The following FTO variants were observed in gnomAD, a reference collection of about 807,000 sequenced individuals.
The protein encoded by FTO is FTO alpha-ketoglutarate dependent dioxygenase.
Under a neutral mutation model 63.9 loss-of-function variants are expected in FTO, and 47 were observed. The ratio of observed to expected loss-of-function variants is 0.74; its 90% CI spans 0.58 to 0.94. The LOEUF is 0.94. FTO is among the 40% of genes least tolerant of loss of function. FTO has a pLI of 0.00. For synonymous variants in FTO, 207 were observed against 224.4 expected, an observed-to-expected ratio of 0.92 and a Z score of 0.69; for missense variants, 562 against 618.1, an observed-to-expected ratio of 0.91 and a Z score of 0.96.
chr16:53,855,178 G>C (rs973613095), intron 4 of FTO, among the ~76,000 whole-genome samples: 4 of 151,968 alleles, frequency 2.6e-5, no homozygotes, highest in African/African-American at 7.2e-5. Context: ...TTCAAATCTA[G>C]GAGTCCTTGG....
intron 4 of FTO, among the ~76,000 whole-genome samples, chr16:53,852,112 A>AAAAAAT (rs1179607518): frequency 6.7e-5 from 10 of 149,222 alleles, no homozygotes; most frequent in African/African-American, 2.5e-4. Context: ...AAAAAAAAAA[A>AAAAAAT]AAAAAAAAGC....
At chr16:54,079,001 CAAT>C (rs1433416080) in intron 8 of FTO, among the ~76,000 whole-genome samples, 1 of 151,982 alleles carries the variant, frequency 6.6e-6, no homozygotes, top group Non-Finnish European at 1.5e-5. Context: ...AGCTGAATTT[CAAT>C]AATGTTTTTA....
intron 8 of FTO, among the ~76,000 whole-genome samples, chr16:54,000,402 A>AGATTCTG (rs1491286574): frequency 1.3e-5 from 2 of 152,210 alleles, no homozygotes; most frequent in Non-Finnish European, 2.9e-5. Flanking sequence ...AGCTCAAGTC[A>AGATTCTG]GATTCTGGAT....
chr16:53,888,705 A>G, intron 6 of FTO, 127 bp from the exon 7 acceptor site: 1 of 999,304 alleles, frequency 1.0e-6, no homozygotes, highest in Non-Finnish European at 1.6e-6. Context: ...GGTTAGGCTG[A>G]CCTTTCTCAC....
rs1165932344 is a variant in FTO, at chr16:53,934,114, G to C, written c.1364+5G>C. 1 of 1,613,948 alleles carries C rather than the reference G, an allele frequency of 6.2e-7. No individual in the cohort carries two copies. The highest frequency in any genetic ancestry group is 2.2e-5 in the East Asian group (1 of 44,894). On this transcript the variant is annotated splice_donor_5th_base_variant and intron_variant, in intron 8 of 8. Coordinates refer to ENST00000471389, the MANE Select transcript of FTO (RefSeq NM_001080432.3). ...GAGGAGAGAATGGCATGCCAGGTTAGTTCTGTTGTGAAATGGGATTTGTTG... is the reference window on the plus strand; with the variant it reads ...GAGGAGAGAATGGCATGCCAGGTTACTTCTGTTGTGAAATGGGATTTGTTG...
intron 8 of FTO, among the ~76,000 whole-genome samples, chr16:54,096,726 T>G (rs775197311): frequency 2.6e-5 from 4 of 152,210 alleles, no homozygotes; most frequent in Non-Finnish European, 5.9e-5. Context: ...CCCCAATTAA[T>G]ATGACTTGTT....
At chr16:54,060,027 G>T (rs934437244) in intron 8 of FTO, among the ~76,000 whole-genome samples, 1 of 151,840 alleles carries the variant, frequency 6.6e-6, no homozygotes, top group Admixed American at 6.6e-5. Context: ...TTATTCAAAG[G>T]CTCCAAAAAC....
At chr16:54,099,250 C>A (rs1320439759) in intron 8 of FTO, among the ~76,000 whole-genome samples, 1 of 152,184 alleles carries the variant, frequency 6.6e-6, no homozygotes, top group Non-Finnish European at 1.5e-5. Context: ...GCCTTCCCTC[C>A]CAATGGCTGA....
At chr16:53,827,950 G>A (rs1173646166) in intron 3 of FTO, among the ~76,000 whole-genome samples, 2 of 152,182 alleles carry the variant, frequency 1.3e-5, no homozygotes, top group African/African-American at 4.8e-5. Context: ...CTACAAAGAT[G>A]TCTTTGTGCT....
rs1451101207 is a variant in FTO at position 53,856,991 on chromosome 16, C to A, written c.895+12693C>A. Among the ~76,000 whole-genome samples, 9 of 151,990 alleles carry A rather than the reference C, an allele frequency of 5.9e-5. No homozygotes were observed. The East Asian group carries it at 1.4e-3, about 23-fold the overall frequency. On this transcript the variant is annotated intron_variant, in intron 4 of 8. Coordinates refer to ENST00000471389, the MANE Select transcript of FTO (RefSeq NM_001080432.3). ...GGGGTGATGTTAAAAAATTGAATGC[C>A]CTTAATGGCAAGGGAACCAACCAAT...
intron 8 of FTO, among the ~76,000 whole-genome samples, chr16:53,942,622 G>A (rs1050807097): frequency 1.2e-4 from 19 of 152,334 alleles, no homozygotes; most frequent in African/African-American, 4.1e-4. Context: ...CTGGTCACCT[G>A]CTAATGTCCT....
chr16:54,036,206 C>A (rs1353242664), intron 8 of FTO, among the ~76,000 whole-genome samples: 1 of 152,142 alleles, frequency 6.6e-6, no homozygotes, highest in Non-Finnish European at 1.5e-5. Context: ...TATTGGCCCT[C>A]AGTATTCTGA....
At chr16:53,872,258 C>A (rs2080521699) in intron 4 of FTO, among the ~76,000 whole-genome samples, 1 of 152,002 alleles carries the variant, frequency 6.6e-6, no homozygotes, top group African/African-American at 2.4e-5. Flanking sequence ...TTTTTTTGGC[C>A]CTTGGGAAAT....
At chr16:53,914,233 G>T (rs910064137) in intron 7 of FTO, among the ~76,000 whole-genome samples, 8 of 151,502 alleles carry the variant, frequency 5.3e-5, no homozygotes, top group Non-Finnish European at 1.0e-4. Flanking sequence ...TGTCTTAGAA[G>T]AAATACTTCT....
intron 8 of FTO, among the ~76,000 whole-genome samples, chr16:54,099,563 T>C (rs1334788236): frequency 6.6e-6 from 1 of 152,192 alleles, no homozygotes; most frequent in African/African-American, 2.4e-5. Context: ...CGGGTGACCC[T>C]ATCATGTGAC....
At chr16:53,863,906 G>A (rs1011551172) in intron 4 of FTO, among the ~76,000 whole-genome samples, 4 of 152,236 alleles carry the variant, frequency 2.6e-5, no homozygotes, top group South Asian at 4.2e-4. Context: ...TATATTCAGC[G>A]CAATCATTTG....
chr16:54,059,269 G>T (rs856973), intron 8 of FTO, among the ~76,000 whole-genome samples: 11,550 of 152,164 alleles, frequency 0.076, 681 homozygotes, highest in African/African-American at 0.15. Flanking sequence ...CCCGACAATT[G>T]TATGCTATCT....
chr16:53,756,555 C>G (rs902219924), intron 1 of FTO, among the ~76,000 whole-genome samples: 5 of 152,202 alleles, frequency 3.3e-5, no homozygotes, highest in African/African-American at 1.2e-4. Flanking sequence ...ACATGTACTA[C>G]AATAGCTATA....
At chr16:53,802,165 A>G (rs2078245670) in intron 1 of FTO, among the ~76,000 whole-genome samples, 2 of 152,322 alleles carry the variant, frequency 1.3e-5, no homozygotes, top group African/African-American at 4.8e-5. Flanking sequence ...ATAAAAATTC[A>G]TGGATTCTCA....
Sources: allele counts gnomAD v4.1 joint callset (sites outside exome capture counted in the v4.1 genomes callset), GRCh38; gene constraint gnomAD v4.1.1; transcripts MANE v1.5; gene names NCBI Gene and HGNC (gene_info 2026-07-23, HGNC 2026-07-21).